The following MYH10 variants were observed in gnomAD, a reference collection of about 807,000 sequenced individuals.
The protein encoded by MYH10 is myosin-10.
Under a neutral mutation model 257.8 loss-of-function variants are expected in MYH10, and 55 were observed. That is an observed-to-expected ratio of 0.21 (90% confidence interval 0.17 to 0.27). The LOEUF (loss-of-function observed/expected upper bound fraction) is 0.27. MYH10 is among the 10% of genes least tolerant of loss of function. The pLI is 1.00. For missense variants in MYH10, 1,631 were observed against 2,500.6 expected (o/e 0.65, Z 7.42); for synonymous variants, 854 against 921.7 (o/e 0.93, Z 1.33).
intron 1 of MYH10, among the ~76,000 whole-genome samples, chr17:8,625,213 T>G (rs749955956): frequency 6.6e-6 from 1 of 152,138 alleles, no homozygotes. Context: ...ATCGTGCCAC[T>G]GCACTCCAGG....
intron 3 of MYH10, among the ~76,000 whole-genome samples, chr17:8,593,595 T>C (rs950544165): frequency 7.2e-5 from 11 of 152,194 alleles, no homozygotes; most frequent in African/African-American, 2.2e-4. Flanking sequence ...TGTTTAGTTA[T>C]ACCAAGGTAT....
At chr17:8,497,653 T>G (rs1364141068) in intron 30 of MYH10, among the ~76,000 whole-genome samples, 1 of 140,840 alleles carries the variant, frequency 7.1e-6, no homozygotes, top group Non-Finnish European at 1.5e-5. Flanking sequence ...GCAGGAGAAT[T>G]GTGTGAACCC....
intron 31 of MYH10, 80 bp from the exon 32 acceptor site, chr17:8,493,965 C>A: frequency 1.4e-6 from 2 of 1,472,414 alleles, no homozygotes; most frequent in South Asian, 1.4e-5. Flanking sequence ...GAATTCATGT[C>A]GTACAAAAGA....
intron 4 of MYH10, among the ~76,000 whole-genome samples, chr17:8,587,839 T>C (rs1184490770): frequency 2.0e-5 from 3 of 152,196 alleles, no homozygotes; most frequent in Non-Finnish European, 4.4e-5. Flanking sequence ...ATACTTGAGT[T>C]TTCTAGAAAT....
intron 36 of MYH10, among the ~76,000 whole-genome samples, chr17:8,484,668 G>A (rs572656513): frequency 6.6e-6 from 1 of 152,300 alleles, no homozygotes; most frequent in South Asian, 2.1e-4. Flanking sequence ...GGAATGCAAG[G>A]TTGGTTTGAC....
At chr17:8,626,886 T>C (rs1187334323) in intron 1 of MYH10, among the ~76,000 whole-genome samples, 1 of 152,188 alleles carries the variant, frequency 6.6e-6, no homozygotes, top group African/African-American at 2.4e-5. Flanking sequence ...GGACATGTAA[T>C]TAGATGCTTA....
chr17:8,508,524 T>C (rs1335347562), intron 26 of MYH10, 30 bp downstream of exon 26: 16 of 1,613,780 alleles, frequency 9.9e-6, no homozygotes, highest in Non-Finnish European at 1.4e-5. Flanking sequence ...CATGTCCTAG[T>C]CCCTGATTTC....
rs541393166 is a variant in MYH10, at chr17:8,475,751, C to T, written c.*53G>A. 4.8e-5 allele frequency: 75 copies of T among 1,577,368 alleles called. No homozygotes were observed. The highest frequency in any genetic ancestry group is 6.0e-5 in the Non-Finnish European group (69 of 1,158,712). ...AATTTCCGAAATCTGCAGGAGGCCCCGGGTGCATTCCTAACTGTCCCACTG... is the reference window on the plus strand; with the variant it reads ...AATTTCCGAAATCTGCAGGAGGCCCTGGGTGCATTCCTAACTGTCCCACTG... On this transcript the variant is annotated 3_prime_UTR_variant, in exon 43 of 43. Transcript: ENST00000360416.
chr17:8,486,285 AAAAACACTG>A (rs1914757077), intron 36 of MYH10, among the ~76,000 whole-genome samples: 1 of 152,240 alleles, frequency 6.6e-6, no homozygotes, highest in South Asian at 2.1e-4. Context: ...TGAATAACTA[AAAAACACTG>A]AAAACACTAA....
At position 8,542,053 on chromosome 17, in the gene MYH10, A is replaced by C. The variant is rs1597783874; in HGVS notation, c.1605+54T>G. On this transcript the variant is annotated intron_variant, in intron 14 of 42. Coordinates refer to ENST00000360416, the MANE Select transcript of MYH10 (RefSeq NM_001256012.3). ...ATTTCTGTCTTGGGTTATGCCACTTAAGGTCACTGCTTGAGTGGAAAATGA... is the reference window on the plus strand; with the variant it reads ...ATTTCTGTCTTGGGTTATGCCACTTCAGGTCACTGCTTGAGTGGAAAATGA... The C allele has an allele frequency of 1.9e-6, 3 of 1,539,502 alleles. No homozygotes were observed. The East Asian group carries it at 6.8e-5, about 35-fold the overall frequency.
rs141255986 is a variant in MYH10, at chr17:8,484,119, G to GGAT, written c.5175+16_5175+18dup. ...GGGCAAATATATTTGTTGAACAAAT[G>GGAT]GATAAGTAACAAACCAACCTCCTGC... On this transcript the variant is annotated intron_variant, in intron 37 of 42. Transcript: ENST00000360416. 3 of 1,423,816 alleles carry GGAT rather than the reference G, an allele frequency of 2.1e-6. No individual in the cohort carries two copies. The East Asian group carries it at 7.9e-5, about 37-fold the overall frequency. The allele number at this position is 1,423,816 out of a possible 1,614,324, so 88.2% of individuals were successfully genotyped here.
intron 2 of MYH10, among the ~76,000 whole-genome samples, chr17:8,607,829 G>C (rs2084868561): frequency 6.6e-6 from 1 of 152,142 alleles, no homozygotes; most frequent in Admixed American, 6.5e-5. Flanking sequence ...AAGAGAAAGA[G>C]AAAGATGAAC....
chr17:8,531,076 G>A (rs1168017348), intron 16 of MYH10, among the ~76,000 whole-genome samples: 1 of 152,118 alleles, frequency 6.6e-6, no homozygotes, highest in Non-Finnish European at 1.5e-5. Flanking sequence ...TATGGCGAAT[G>A]TAAGTATCAA....
At chr17:8,620,678 C>T (rs926595259) in intron 2 of MYH10, among the ~76,000 whole-genome samples, 2 of 152,134 alleles carry the variant, frequency 1.3e-5, no homozygotes, top group African/African-American at 2.4e-5. Context: ...AATTCCAAAG[C>T]CCAATACATA....
chr17:8,581,993 A>G lies in MYH10; in HGVS notation c.531-4655T>C, dbSNP rs796106150. ...AAATGAGACTTCACAGGACTGAGAT[A>G]ATGCGGGAAAGGGCCTAGCACTGTC... is the stretch of plus-strand genomic sequence containing the variant. On this transcript the variant is annotated intron_variant, in intron 4 of 42. Coordinates refer to ENST00000360416, the MANE Select transcript of MYH10 (RefSeq NM_001256012.3). Among the ~76,000 whole-genome samples the G allele has an allele frequency of 1.2e-4, 18 of 152,322 alleles. 1 individual carries two copies. The highest frequency in any genetic ancestry group is 4.3e-4 in the African/African-American group (18 of 41,570).
intron 2 of MYH10, among the ~76,000 whole-genome samples, chr17:8,613,462 T>C (rs976229397): frequency 1.3e-5 from 2 of 152,134 alleles, no homozygotes; most frequent in African/African-American, 4.8e-5. Context: ...ATAAATTTGT[T>C]CAGGTGCTCT....
chr17:8,477,194 G>A lies in MYH10; in HGVS notation c.5707-146C>T, dbSNP rs1597582104. On this transcript the variant is annotated intron_variant, in intron 41 of 42. Transcript: ENST00000360416. This position sits in a 1 kb window ranked among gnomAD's most constrained non-coding sequence, Gnocchi z 4.2. ...GGATGTACACGCGTGCCTGGGGGCTGGTCGGAGGCTCTGTAACCGGCCTGC... is the reference window on the plus strand; with the variant it reads ...GGATGTACACGCGTGCCTGGGGGCTAGTCGGAGGCTCTGTAACCGGCCTGC... 8.4e-6 allele frequency: 7 copies of A among 833,888 alleles called. No homozygotes were observed. The highest frequency in any genetic ancestry group is 1.7e-5 in the African/African-American group (1 of 58,810). The allele number at this position is 833,888 out of a possible 1,614,324, so 51.7% of individuals were successfully genotyped here.
rs1196972002 is a variant in MYH10 at position 8,592,832 on chromosome 17, A to AAAAC, written c.503-3725_503-3724insGTTT. Among the ~76,000 whole-genome samples, 32 of 141,672 alleles carry AAAAC rather than the reference A, an allele frequency of 2.3e-4. 1 individual carries two copies. Among genetic ancestry groups the AAAAC allele is most frequent in the Non-Finnish European group, 4.2e-4 (27 of 65,000 alleles). The allele number at this position is 141,672 out of a possible 152,430, so 92.9% of individuals were successfully genotyped here. A position where few individuals can be genotyped will look rare whatever the true frequency, so the allele number is the denominator to read the frequency against. On this transcript the variant is annotated intron_variant, in intron 3 of 42. Coordinates refer to ENST00000360416, the MANE Select transcript of MYH10 (RefSeq NM_001256012.3). ...ATGAAATCAGAAAAAAAAAAAAAAA[A>AAAAC]AAAAAAAAAAGACATTGCAATAAAA...
rs772468504 is a variant in MYH10 at position 8,475,766 on chromosome 17, C to G, written c.*38G>C. 3 of 1,599,638 alleles carry G rather than the reference C, an allele frequency of 1.9e-6. No homozygotes were observed. The highest frequency in any genetic ancestry group is 1.7e-6 in the Non-Finnish European group (2 of 1,171,078). On this transcript the variant is annotated 3_prime_UTR_variant, in exon 43 of 43. Transcript: ENST00000360416. ...CAGGAGGCCCCGGGTGCATTCCTAA[C>G]TGTCCCACTGTATTGCCTCCTCTGG...
Sources: gnomAD v4.1 joint callset for allele counts (sites outside exome capture counted in the v4.1 genomes callset) on GRCh38, gnomAD v4.1.1 for gene constraint, Gnocchi (gnomAD v3.1) non-coding constraint, MANE v1.5 for transcripts, NCBI Gene and HGNC (gene_info 2026-07-23, HGNC 2026-07-21) for gene names.